The following ACYP2 variants were observed in gnomAD, a reference collection of about 807,000 sequenced individuals.
The protein encoded by ACYP2 is acylphosphatase 2.
ACYP2 carries 12 observed loss-of-function variants against 11.2 expected under a neutral mutation model. The observed-to-expected ratio is 1.08, with a 90% CI of 0.69 to 1.74. The LOEUF (loss-of-function observed/expected upper bound fraction) is 1.74. Among genes scored for constraint, ACYP2 ranks in the 40% most tolerant of loss-of-function variants. ACYP2 has a pLI of 0.00. For missense variants in ACYP2, 134 were observed against 101.9 expected, an observed-to-expected ratio of 1.31 and a Z score of -1.35; for synonymous variants, 43 against 32.2, an observed-to-expected ratio of 1.33 and a Z score of -1.13.
At chr2:54,228,970 A>C (rs1220838028) in intron 6 of ACYP2, among the ~76,000 whole-genome samples, 2 of 152,208 alleles carry the variant, frequency 1.3e-5, no homozygotes, top group Non-Finnish European at 2.9e-5. Flanking sequence ...TCTTGACAAA[A>C]GATTTCTTAT....
chr2:54,138,394 C>T (rs538653458), intron 5 of ACYP2, among the ~76,000 whole-genome samples: 3 of 152,144 alleles, frequency 2.0e-5, no homozygotes, highest in Admixed American at 6.5e-5. Context: ...TCACTCTCAG[C>T]GTAGTTTTTC....
At chr2:54,075,645 C>T (rs1230284422) in intron 4 of ACYP2, among the ~76,000 whole-genome samples, 1 of 151,720 alleles carries the variant, frequency 6.6e-6, no homozygotes, top group Non-Finnish European at 1.5e-5. Context: ...AAACCCCGTC[C>T]CTACTAATAA....
intron 6 of ACYP2, among the ~76,000 whole-genome samples, chr2:54,155,400 C>A (rs1314386935): frequency 6.6e-6 from 1 of 151,686 alleles, no homozygotes; most frequent in Admixed American, 6.6e-5. Flanking sequence ...GATATTTATT[C>A]TTTTCTGATA....
chr2:54,129,832 C>G (rs1012348675), intron 4 of ACYP2, among the ~76,000 whole-genome samples: 1 of 147,418 alleles, frequency 6.8e-6, no homozygotes, highest in Admixed American at 6.8e-5. Context: ...TGTATATTCA[C>G]AATATACATT....
intron 2 of ACYP2, among the ~76,000 whole-genome samples, chr2:54,003,209 A>C (rs910586681): frequency 2.0e-5 from 3 of 152,066 alleles, no homozygotes; most frequent in Non-Finnish European, 4.4e-5. Context: ...CAGCCTCCCA[A>C]AGTGATGGGA....
intron 6 of ACYP2, among the ~76,000 whole-genome samples, chr2:54,272,958 A>G (rs1446017844): frequency 6.6e-6 from 1 of 152,232 alleles, no homozygotes; most frequent in African/African-American, 2.4e-5. Context: ...CCTTTTCACA[A>G]GAAGATGTTT....
At chr2:54,285,592 C>T (rs1201698421) in intron 6 of ACYP2, among the ~76,000 whole-genome samples, 3 of 152,184 alleles carry the variant, frequency 2.0e-5, no homozygotes, top group Non-Finnish European at 2.9e-5. Flanking sequence ...TGCTAGCTGT[C>T]CTCCAGTAAT....
intron 6 of ACYP2, among the ~76,000 whole-genome samples, chr2:54,239,149 A>G (rs891916749): frequency 6.6e-6 from 1 of 151,832 alleles, no homozygotes; most frequent in African/African-American, 2.4e-5. Context: ...TTGATGAGAG[A>G]AAGTCTTGAC....
At chr2:54,192,203 A>G (rs1232189345) in intron 6 of ACYP2, among the ~76,000 whole-genome samples, 1 of 152,150 alleles carries the variant, frequency 6.6e-6, no homozygotes, top group Non-Finnish European at 1.5e-5. Flanking sequence ...GAAGCCAGCT[A>G]TTCTTTCTTG....
At chr2:54,004,967 C>G (rs1445320406) in intron 2 of ACYP2, among the ~76,000 whole-genome samples, 1 of 149,396 alleles carries the variant, frequency 6.7e-6, no homozygotes, top group Non-Finnish European at 1.5e-5. Flanking sequence ...AACAGTCTAA[C>G]AGTCTTCTAT....
Position 54,276,527 on chromosome 2 carries a change from T to C in ACYP2, c.405-28161T>C, listed in dbSNP as rs150289356. Among the ~76,000 whole-genome samples, 865 of 152,054 alleles carry C rather than the reference T, an allele frequency of 5.7e-3. 14 individuals carry two copies. The highest frequency in any genetic ancestry group is 0.02 in the African/African-American group (828 of 41,468). On this transcript the variant is annotated intron_variant, in intron 6 of 6. Coordinates refer to ENST00000607452, the MANE Select transcript of ACYP2 (RefSeq NM_001320586.2). Reference sequence around the variant, plus strand: ...TGTCATTACCTCCCAGCTAGAGACATTGTCAATAAAATTTCAGCATTTATT... The same window carrying C: ...TGTCATTACCTCCCAGCTAGAGACACTGTCAATAAAATTTCAGCATTTATT...
chr2:53,979,196 G>A (rs896396156), intron 2 of ACYP2, among the ~76,000 whole-genome samples: 9 of 152,134 alleles, frequency 5.9e-5, no homozygotes, highest in Non-Finnish European at 5.9e-5. Context: ...ACAAGATGTG[G>A]GGGTAGAACA....
chr2:54,162,652 G>A (rs956887937), intron 6 of ACYP2, among the ~76,000 whole-genome samples: 4 of 151,968 alleles, frequency 2.6e-5, no homozygotes, highest in African/African-American at 7.3e-5. Flanking sequence ...TGTACTCACC[G>A]GAACCTACAT....
At chr2:54,169,039 G>C (rs1055877038) in intron 6 of ACYP2, among the ~76,000 whole-genome samples, 3 of 152,206 alleles carry the variant, frequency 2.0e-5, no homozygotes, top group African/African-American at 7.2e-5. Flanking sequence ...CCAATCAGGA[G>C]TGTTACAGAA....
chr2:54,082,192 C>T (rs1677692526), intron 4 of ACYP2, among the ~76,000 whole-genome samples: 1 of 151,988 alleles, frequency 6.6e-6, no homozygotes, highest in African/African-American at 2.4e-5. Flanking sequence ...AATCAGTTTT[C>T]ATTATTCCTC....
At chr2:54,050,236 G>A (rs1675770145) in intron 2 of ACYP2, among the ~76,000 whole-genome samples, 1 of 152,072 alleles carries the variant, frequency 6.6e-6, no homozygotes, top group African/African-American at 2.4e-5. Flanking sequence ...AGGACCTGCT[G>A]TATATTGTTT....
At chr2:54,066,287 C>G (rs1009587262) in intron 4 of ACYP2, among the ~76,000 whole-genome samples, 1 of 152,298 alleles carries the variant, frequency 6.6e-6, no homozygotes, top group Admixed American at 6.5e-5. Context: ...CTCCTCTCTC[C>G]TGCCACCATT....
At chr2:54,144,671 C>T (rs1681803690) in intron 6 of ACYP2, among the ~76,000 whole-genome samples, 1 of 125,870 alleles carries the variant, frequency 7.9e-6, no homozygotes, top group African/African-American at 2.7e-5. Context: ...AAGACTCTGT[C>T]TCAAAAAAAA....
chr2:54,253,426 A>G (rs561415479), intron 6 of ACYP2: 1 of 147,740 alleles, frequency 6.8e-6, no homozygotes, highest in South Asian at 2.1e-4. Context: ...AGTAAACAGA[A>G]AGAGAAAATA....
Sources: gnomAD v4.1 joint callset for allele counts (sites outside exome capture counted in the v4.1 genomes callset) on GRCh38, gnomAD v4.1.1 for gene constraint, MANE v1.5 for transcripts, NCBI Gene and HGNC (gene_info 2026-07-23, HGNC 2026-07-21) for gene names.